TAFA1: variants seen among roughly 807,000 people sequenced by gnomAD.
TAFA1 encodes the protein chemokine-like protein TAFA-1.
Under a neutral mutation model 18.5 loss-of-function variants are expected in TAFA1, and 4 were observed. The ratio of observed to expected loss-of-function variants is 0.22; its 90% CI spans 0.11 to 0.49. The LOEUF (loss-of-function observed/expected upper bound fraction) is 0.49. Ranked by LOEUF, TAFA1 falls within the 20% of genes least tolerant of loss-of-function variation. TAFA1 has a pLI of 0.98. For synonymous variants in TAFA1, 56 were observed against 55.2 expected, an observed-to-expected ratio of 1.01 and a Z score of -0.06; for missense variants, 147 against 169.0, an observed-to-expected ratio of 0.87 and a Z score of 0.72.
intron 2 of TAFA1, among the ~76,000 whole-genome samples, chr3:68,340,030 C>A (rs1057250406): frequency 8.1e-4 from 123 of 152,134 alleles, no homozygotes; most frequent in African/African-American, 2.9e-3. Context: ...TTTTTTCATA[C>A]TGCCTCAGTT....
intron 2 of TAFA1, among the ~76,000 whole-genome samples, chr3:68,408,110 G>GA (rs35469539): frequency 0.026 from 4,005 of 152,132 alleles, 72 homozygotes; most frequent in East Asian, 0.087. Context: ...AAGTGACTCT[G>GA]AAAAAAATTT....
chr3:68,095,329 CA>C (rs1385271364), intron 2 of TAFA1, among the ~76,000 whole-genome samples: 1 of 152,120 alleles, frequency 6.6e-6, no homozygotes, highest in Non-Finnish European at 1.5e-5. Flanking sequence ...CAGTTTTTAT[CA>C]ATTCAAAGAA....
chr3:68,468,622 G>A (rs2071933900), intron 3 of TAFA1, among the ~76,000 whole-genome samples: 1 of 152,184 alleles, frequency 6.6e-6, no homozygotes, highest in African/African-American at 2.4e-5. Context: ...CAAGAGTATA[G>A]CCCAAGAGGG....
chr3:68,385,324 C>T lies in TAFA1; in HGVS notation c.119-31956C>T, dbSNP rs137953322. Among the ~76,000 whole-genome samples, 691 of 152,136 alleles carry T rather than the reference C, an allele frequency of 4.5e-3. 6 individuals are homozygous for T. The highest frequency in any genetic ancestry group is 0.01 in the Middle Eastern group (3 of 294). ...ACTGTGTAAACAACATGGCGTTTCCCCAGCATAAATCCTGATCAAAGACTA... is the reference window on the plus strand; with the variant it reads ...ACTGTGTAAACAACATGGCGTTTCCTCAGCATAAATCCTGATCAAAGACTA... On this transcript the variant is annotated intron_variant, in intron 2 of 4. Coordinates refer to ENST00000478136, the MANE Select transcript of TAFA1 (RefSeq NM_213609.4).
intron 2 of TAFA1, among the ~76,000 whole-genome samples, chr3:68,269,436 C>T (rs1017408588): frequency 1.4e-4 from 22 of 152,272 alleles, no homozygotes; most frequent in African/African-American, 5.1e-4. Flanking sequence ...CCACTGTACT[C>T]AAGCCTGGGG....
At chr3:68,358,131 C>T (rs1289655280) in intron 2 of TAFA1, among the ~76,000 whole-genome samples, 2 of 151,850 alleles carry the variant, frequency 1.3e-5, no homozygotes, top group Admixed American at 6.6e-5. Context: ...AAATTCTGCT[C>T]CCAGAATTAC....
At chr3:68,003,301 T>C (rs1203792897), upstream of TAFA1, among the ~76,000 whole-genome samples, 1 of 152,194 alleles carries the variant, frequency 6.6e-6, no homozygotes, top group Non-Finnish European at 1.5e-5. Flanking sequence ...ACCTTCTTTA[T>C]TGTGCCTCTG....
chr3:68,370,429 C>CATATATAT (rs1559637630), intron 2 of TAFA1, among the ~76,000 whole-genome samples: 1 of 90,002 alleles, frequency 1.1e-5, no homozygotes, highest in Non-Finnish European at 2.1e-5. Context: ...CACACACACA[C>CATATATAT]ACATATATAT....
intron 2 of TAFA1, among the ~76,000 whole-genome samples, chr3:68,035,269 G>A (rs1051567792): frequency 4.6e-5 from 7 of 152,204 alleles, no homozygotes; most frequent in African/African-American, 1.7e-4. Context: ...CAATGTTGAG[G>A]CATCTCTCAC....
At chr3:68,367,641 C>T (rs2069599180) in intron 2 of TAFA1, among the ~76,000 whole-genome samples, 1 of 152,112 alleles carries the variant, frequency 6.6e-6, no homozygotes, top group African/African-American at 2.4e-5. Flanking sequence ...CAACCTCGGA[C>T]ACATTATAAT....
rs561334634 is a variant in TAFA1, at chr3:68,211,609, C to T, written c.118+204865C>T. On this transcript the variant is annotated intron_variant, in intron 2 of 4. Coordinates refer to ENST00000478136, the MANE Select transcript of TAFA1 (RefSeq NM_213609.4). ...TGTTGCTATAAAGGAATACTTGAGACTGGGTAATTTATAAAGAAAAGAGGT... is the reference window on the plus strand; with the variant it reads ...TGTTGCTATAAAGGAATACTTGAGATTGGGTAATTTATAAAGAAAAGAGGT... Among the ~76,000 whole-genome samples, 22 of 152,102 alleles carry T rather than the reference C, an allele frequency of 1.4e-4. No individual in the cohort carries two copies. The East Asian group carries it at 2.3e-3, about 16-fold the overall frequency.
At chr3:68,404,107 A>G (rs892911245) in intron 2 of TAFA1, among the ~76,000 whole-genome samples, 1 of 152,318 alleles carries the variant, frequency 6.6e-6, no homozygotes, top group South Asian at 2.1e-4. Flanking sequence ...TGAAAGTATT[A>G]TAGTACTATT....
intron 3 of TAFA1, among the ~76,000 whole-genome samples, chr3:68,486,517 C>T (rs1268124975): frequency 6.6e-6 from 1 of 152,104 alleles, no homozygotes; most frequent in Admixed American, 6.6e-5. Flanking sequence ...CTCAGCCTTA[C>T]CAGTTGCTAG....
chr3:68,509,867 G>A (rs1401953918), intron 3 of TAFA1, among the ~76,000 whole-genome samples: 2 of 152,088 alleles, frequency 1.3e-5, no homozygotes, highest in Non-Finnish European at 2.9e-5. Context: ...GAATGAAAAG[G>A]GGCTGAAGGG....
intron 2 of TAFA1, among the ~76,000 whole-genome samples, chr3:68,392,829 C>T (rs2070291667): frequency 6.6e-6 from 1 of 152,098 alleles, no homozygotes; most frequent in African/African-American, 2.4e-5. Flanking sequence ...ACACAACGTA[C>T]CAGAATCTCT....
intron 2 of TAFA1, among the ~76,000 whole-genome samples, chr3:68,019,930 A>T (rs1299914561): frequency 6.6e-6 from 1 of 152,160 alleles, no homozygotes; most frequent in Non-Finnish European, 1.5e-5. Context: ...CCCAGATTCA[A>T]CCTCTGAATC....
At chr3:68,415,014 A>T (rs13076798) in intron 2 of TAFA1, among the ~76,000 whole-genome samples, 23,641 of 152,164 alleles carry the variant, frequency 0.16, 2,420 homozygotes, top group East Asian at 0.34. Flanking sequence ...AAGTGACATG[A>T]TTGCAGGTGT....
At chr3:68,537,197 A>C (rs1217683042) in intron 3 of TAFA1, among the ~76,000 whole-genome samples, 1 of 152,204 alleles carries the variant, frequency 6.6e-6, no homozygotes, top group Non-Finnish European at 1.5e-5. Context: ...CCAAAAATTA[A>C]GTGTAGGGGG....
intron 2 of TAFA1, among the ~76,000 whole-genome samples, chr3:68,339,260 G>A: frequency 6.6e-6 from 1 of 152,074 alleles, no homozygotes; most frequent in East Asian, 1.9e-4. Context: ...TAAAAGAACT[G>A]AATTTTTCTA....
Sources: allele counts gnomAD v4.1 joint callset (sites outside exome capture counted in the v4.1 genomes callset), GRCh38; gene constraint gnomAD v4.1.1; transcripts MANE v1.5; gene names NCBI Gene and HGNC (gene_info 2026-07-23, HGNC 2026-07-21).